The following SERBP1 variants were observed in gnomAD, a reference collection of about 807,000 sequenced individuals.
SERBP1 encodes the protein SERPINE1 mRNA binding protein 1, also known as SERPINE1 mRNA-binding protein 1.
Under a neutral mutation model 50.2 loss-of-function variants are expected in SERBP1, and 6 were observed. That is an observed-to-expected ratio of 0.12 (90% CI 0.07 to 0.24). The LOEUF (loss-of-function observed/expected upper bound fraction) is 0.24, where lower values mean the gene tolerates loss of function less well. Ranked by LOEUF, SERBP1 falls within the 10% of genes least tolerant of loss-of-function variation. SERBP1 has a pLI of 1.00. For synonymous variants in SERBP1, 168 were observed against 182.8 expected (o/e 0.92, Z 0.65); for missense variants, 346 against 524.9 (o/e 0.66, Z 3.33).
chr1:67,424,075 G>T, intron 5 of SERBP1, 125 bp downstream of exon 5: 2 of 926,440 alleles, frequency 2.2e-6, no homozygotes, highest in Non-Finnish European at 3.1e-6. Flanking sequence ...TGAGGGTACA[G>T]TAAGTCTCCC....
intron 6 of SERBP1, 39 bp from the exon 7 acceptor site, chr1:67,415,378 A>T (rs761830383): frequency 6.7e-7 from 1 of 1,481,690 alleles, no homozygotes; most frequent in Admixed American, 2.5e-5. Context: ...TATTAGTAGA[A>T]AAGTAACATT....
intron 6 of SERBP1, among the ~76,000 whole-genome samples, chr1:67,417,686 T>C (rs1162521192): frequency 6.6e-6 from 1 of 151,948 alleles, no homozygotes; most frequent in Non-Finnish European, 1.5e-5. Context: ...ATAATTTTTA[T>C]ATTTTTTGTA....
chr1:67,410,444 A>C lies in SERBP1; in HGVS notation c.*2763T>G, dbSNP rs1003054965. 4 of 152,210 alleles carry C rather than the reference A, an allele frequency of 2.6e-5. No individual in the cohort carries two copies. The highest frequency in any genetic ancestry group is 4.4e-5 in the Non-Finnish European group (3 of 68,026). 9.4% of individuals were successfully genotyped at this position (152,210 alleles called of 1,614,324 possible). A position where few individuals can be genotyped will look rare whatever the true frequency, so the allele number is the denominator to read the frequency against. ...ATTTACAACCCTGGAAATGATGTGTACTACTTTTATTTAAAAAAATAAGAG... is the reference window on the plus strand; with the variant it reads ...ATTTACAACCCTGGAAATGATGTGTCCTACTTTTATTTAAAAAAATAAGAG... On this transcript the variant is annotated 3_prime_UTR_variant, in exon 8 of 8. Coordinates refer to ENST00000361219, the MANE Select transcript of SERBP1 (RefSeq NM_001018069.2).
chr1:67,421,859 A>G (rs1265572764), intron 5 of SERBP1, among the ~76,000 whole-genome samples: 1 of 152,152 alleles, frequency 6.6e-6, no homozygotes, highest in African/African-American at 2.4e-5. Context: ...AGGCTGAGGC[A>G]GGAGAATCGC....
At chr1:67,421,123 T>C (rs1667184184) in intron 5 of SERBP1, among the ~76,000 whole-genome samples, 1 of 151,820 alleles carries the variant, frequency 6.6e-6, no homozygotes, top group Non-Finnish European at 1.5e-5. Context: ...TCCAGTTACA[T>C]CTATGCTGCA....
chr1:67,421,594 C>T (rs1026547218), intron 5 of SERBP1, among the ~76,000 whole-genome samples: 1 of 152,184 alleles, frequency 6.6e-6, no homozygotes, highest in Non-Finnish European at 1.5e-5. Context: ...CCTATCAATA[C>T]ATTAGTACCT....
At chr1:67,417,942 G>T in intron 6 of SERBP1, among the ~76,000 whole-genome samples, 1 of 144,464 alleles carries the variant, frequency 6.9e-6, no homozygotes, top group East Asian at 2.1e-4. Flanking sequence ...TTTGTCACGA[G>T]AATGAAGACA....
chr1:67,429,963 C>T (rs1340550576), intron 1 of SERBP1, 25 bp downstream of exon 1: 3 of 1,574,988 alleles, frequency 1.9e-6, no homozygotes, highest in Admixed American at 1.8e-5. Context: ...ATCCCAGTCT[C>T]CCCCACATTC....
intron 5 of SERBP1, among the ~76,000 whole-genome samples, chr1:67,423,493 G>T (rs556845586): frequency 2.0e-4 from 30 of 151,964 alleles, no homozygotes; most frequent in African/African-American, 6.3e-4. Context: ...TATAGTCCCA[G>T]CTACTTAGGA....
At chr1:67,420,309 G>A in intron 5 of SERBP1, 123 bp from the exon 6 acceptor site, 2 of 908,564 alleles carry the variant, frequency 2.2e-6, no homozygotes, top group South Asian at 3.8e-5. Context: ...ATTATTCAAG[G>A]ATGAGGGTAC....
At chr1:67,429,739 G>C in intron 1 of SERBP1, 1 of 415,956 alleles carries the variant, frequency 2.4e-6, no homozygotes, top group Non-Finnish European at 4.3e-6. Flanking sequence ...CTCCGACCAC[G>C]CTCCTCTGCT....
In SERBP1 at chr1:67,428,336, G is replaced by A. The variant is rs76486077; in HGVS notation, c.313+1652C>T. Among the ~76,000 whole-genome samples, 817 of 152,244 alleles carry A rather than the reference G, an allele frequency of 5.4e-3. 11 individuals are homozygous for A. The highest frequency in any genetic ancestry group is 0.019 in the African/African-American group (788 of 41,544). ...GTTAACTTAAAATACTACTTTTCAG[G>A]TAAGAGCTTATTTCATAGATGGGCT... On this transcript the variant is annotated intron_variant, in intron 1 of 7. Transcript: ENST00000361219.
chr1:67,417,550 A>G (rs933912726), intron 6 of SERBP1, among the ~76,000 whole-genome samples: 4 of 151,428 alleles, frequency 2.6e-5, no homozygotes, highest in Non-Finnish European at 5.9e-5. Flanking sequence ...TTGCTCTGTC[A>G]ACTAGGTTGG....
In SERBP1 at chr1:67,412,774, T is replaced by C. The variant is rs1281104006; in HGVS notation, c.*433A>G. On this transcript the variant is annotated 3_prime_UTR_variant, in exon 8 of 8. Transcript: ENST00000361219. ...CATGTGTGAATATGCAAAGCAGGTA[T>C]TAAAACCAGTATGTCCAATATTTAA... 1 of 158,066 alleles carries C rather than the reference T, an allele frequency of 6.3e-6. No individual in the cohort carries two copies. The highest frequency in any genetic ancestry group is 2.4e-5 in the African/African-American group (1 of 41,580). The allele number at this position is 158,066 out of a possible 1,614,324, so 9.8% of individuals were successfully genotyped here.
At position 67,420,062 on chromosome 1, in the gene SERBP1, C is replaced by T; in HGVS notation, c.898G>A (p.Ala300Thr). 6.2e-7 allele frequency: 1 copy of T among 1,613,696 alleles called. No homozygotes were observed. Among genetic ancestry groups the T allele is most frequent in the Non-Finnish European group, 8.5e-7 (1 of 1,179,706 alleles). ...EFNIRKPNEG[A>T]DGQWKKGFVL... ...AATCCCTTCTTCCACTGCCCATCAG[C>T]ACCTTCATTTGGTTTTCGGATATTA... The change falls in exon 6 of 8, where the codon GCT (alanine) becomes ACT (threonine). Residue 300 changes from alanine to threonine, a missense_variant. Physicochemically the swap from Ala to Thr is moderately conservative, Grantham distance 58 (BLOSUM62 0). This residue lies in a region of SERBP1 where 6 missense variants were observed against 39.2 expected (regional missense o/e 0.15). Coordinates refer to ENST00000361219, the MANE Select transcript of SERBP1 (RefSeq NM_001018069.2).
chr1:67,426,332 A>C (rs767602468), intron 1 of SERBP1, 47 bp from the exon 2 acceptor site: 5 of 1,529,678 alleles, frequency 3.3e-6, no homozygotes, highest in Non-Finnish European at 3.5e-6. Context: ...TTTGCAATCC[A>C]AAAACTTTAG....
At chr1:67,426,312 G>A in intron 1 of SERBP1, 27 bp from the exon 2 acceptor site, 1 of 1,545,194 alleles carries the variant, frequency 6.5e-7, no homozygotes. Context: ...ACCTGCATAA[G>A]CAAATTATTT....
intron 1 of SERBP1, chr1:67,429,772 A>G: frequency 3.8e-6 from 2 of 526,336 alleles, no homozygotes. Flanking sequence ...CGGGAAGGGG[A>G]TGGCTCCGAG....
At position 67,408,422 on chromosome 1, in the gene SERBP1, T is replaced by C. The variant is rs1045393721; in HGVS notation, c.*4785A>G. On this transcript the variant is annotated 3_prime_UTR_variant, in exon 8 of 8. Transcript: ENST00000361219. ...TTTAAAACAGTATATACATACTAAC[T>C]CAAAAAAATAATTCGGTAAATCATT... is the stretch of plus-strand genomic sequence containing the variant. The C allele has an allele frequency of 6.6e-6, 1 of 152,096 alleles. No homozygotes were observed. Among genetic ancestry groups the C allele is most frequent in the Non-Finnish European group, 1.5e-5 (1 of 68,014 alleles). The allele number at this position is 152,096 out of a possible 1,614,324, so 9.4% of individuals were successfully genotyped here. A position where few individuals can be genotyped will look rare whatever the true frequency, so the allele number is the denominator to read the frequency against.
Sources: allele counts gnomAD v4.1 joint callset (sites outside exome capture counted in the v4.1 genomes callset), GRCh38; gene constraint gnomAD v4.1.1; regional missense constraint gnomAD v4.1.1; transcripts MANE v1.5; gene names NCBI Gene and HGNC (gene_info 2026-07-23, HGNC 2026-07-21).